PTPRT: variants seen among roughly 807,000 people sequenced by gnomAD.
PTPRT encodes the protein protein tyrosine phosphatase receptor type T.
PTPRT carries 56 observed loss-of-function variants against 176.8 expected under a neutral mutation model. That is an observed-to-expected ratio of 0.32 (90% confidence interval 0.26 to 0.40). PTPRT has a LOEUF of 0.40. Ranked by LOEUF, PTPRT falls within the 10% of genes least tolerant of loss-of-function variation. PTPRT has a pLI of 1.00. For missense variants in PTPRT, 1,540 were observed against 1,908.2 expected (o/e 0.81, Z 3.60); for synonymous variants, 783 against 739.0 (o/e 1.06, Z -0.96).
intron 7 of PTPRT, among the ~76,000 whole-genome samples, chr20:42,516,706 G>A (rs748163869): frequency 8.5e-5 from 13 of 152,062 alleles, no homozygotes; most frequent in South Asian, 2.1e-4. Context: ...CCTGCCATAC[G>A]CTTCTGGTTT....
chr20:42,171,614 GT>G (rs1314467998), intron 16 of PTPRT, among the ~76,000 whole-genome samples: 2 of 152,118 alleles, frequency 1.3e-5, no homozygotes, highest in Admixed American at 1.3e-4. Context: ...GTGCGTGTGT[GT>G]GTTTAAGGCA....
chr20:42,353,962 G>T (rs2058323523), intron 9 of PTPRT, among the ~76,000 whole-genome samples: 1 of 152,106 alleles, frequency 6.6e-6, no homozygotes, highest in East Asian at 1.9e-4. Flanking sequence ...GCTGAGGTGG[G>T]AAGATGGCTT....
At chr20:42,101,356 C>T (rs892116472) in intron 26 of PTPRT, among the ~76,000 whole-genome samples, 12 of 152,160 alleles carry the variant, frequency 7.9e-5, no homozygotes, top group African/African-American at 2.9e-4. Context: ...CTGAAAAGTG[C>T]ATGGCTGGTA....
chr20:43,001,482 CA>C (rs11345196), intron 1 of PTPRT, among the ~76,000 whole-genome samples: 55,664 of 146,124 alleles, frequency 0.38, 11,997 homozygotes, highest in African/African-American at 0.62. Flanking sequence ...ATAACAACAA[CA>C]AAAAAAAAAC....
intron 2 of PTPRT, among the ~76,000 whole-genome samples, chr20:42,796,271 T>A (rs1471831887): frequency 6.6e-6 from 1 of 152,236 alleles, no homozygotes; most frequent in Non-Finnish European, 1.5e-5. Context: ...ACTAGCCACA[T>A]TTCAAGTGCC....
chr20:42,837,104 G>T (rs1367461231), intron 2 of PTPRT, among the ~76,000 whole-genome samples: 1 of 152,176 alleles, frequency 6.6e-6, no homozygotes, highest in Non-Finnish European at 1.5e-5. Flanking sequence ...ATTATAGATG[G>T]GAGAACAAGG....
At chr20:42,623,668 C>T (rs184598376) in intron 7 of PTPRT, among the ~76,000 whole-genome samples, 8 of 152,166 alleles carry the variant, frequency 5.3e-5, no homozygotes, top group Admixed American at 4.6e-4. Context: ...ACATCCCACC[C>T]GGCAGAAACT....
chr20:42,304,303 A>C (rs2057513450), intron 12 of PTPRT, among the ~76,000 whole-genome samples: 1 of 152,032 alleles, frequency 6.6e-6, no homozygotes, highest in Admixed American at 6.6e-5. Context: ...TGGGTTTAAA[A>C]ACTCTGCCCC....
At chr20:42,179,254 C>T (rs941436599) in intron 16 of PTPRT, among the ~76,000 whole-genome samples, 2 of 152,182 alleles carry the variant, frequency 1.3e-5, no homozygotes, top group African/African-American at 4.8e-5. Flanking sequence ...GCTGACTTTG[C>T]TTAGCTTTGC....
chr20:42,382,698 G>T (rs1015846901), intron 9 of PTPRT, among the ~76,000 whole-genome samples: 1 of 152,086 alleles, frequency 6.6e-6, no homozygotes, highest in Non-Finnish European at 1.5e-5. Flanking sequence ...GAGAATCGGG[G>T]TATGGTGGGG....
chr20:42,762,212 G>A (rs1464759578), intron 5 of PTPRT, among the ~76,000 whole-genome samples: 1 of 152,086 alleles, frequency 6.6e-6, no homozygotes, highest in East Asian at 1.9e-4. Flanking sequence ...TATACTATTA[G>A]GTTGGGGTGA....
At chr20:43,087,350 C>T (rs1294052327) in intron 1 of PTPRT, among the ~76,000 whole-genome samples, 1 of 138,616 alleles carries the variant, frequency 7.2e-6, no homozygotes, top group Non-Finnish European at 1.5e-5. Context: ...CGTCACTGTT[C>T]ACACTGTCCG....
chr20:42,906,363 C>T (rs896621940), intron 1 of PTPRT, among the ~76,000 whole-genome samples: 2 of 152,206 alleles, frequency 1.3e-5, no homozygotes, highest in East Asian at 1.9e-4. Flanking sequence ...GGGAAAGCCA[C>T]GTTCCCACTC....
At chr20:42,574,375 GAA>G (rs1220519699) in intron 7 of PTPRT, among the ~76,000 whole-genome samples, 1 of 152,130 alleles carries the variant, frequency 6.6e-6, no homozygotes, top group Non-Finnish European at 1.5e-5. Flanking sequence ...TGGTTAAAAA[GAA>G]AGTGTCCAAA....
chr20:42,533,954 G>A lies in PTPRT; in HGVS notation c.1154-61392C>T, dbSNP rs544304837. 2.0e-4 allele frequency among the ~76,000 whole-genome samples: 30 copies of A among 152,262 alleles called. No homozygotes were observed. The South Asian group carries it at 5.8e-3, about 29-fold the overall frequency. ...CCATTCTCATACACGCTACCACTCT[G>A]GAATGCTTCTTCTCTGCAGCTGCCC... On this transcript the variant is annotated intron_variant, in intron 7 of 30. Coordinates refer to ENST00000373187, the MANE Select transcript of PTPRT (RefSeq NM_007050.6).
chr20:43,076,239 G>C (rs1055819635), intron 1 of PTPRT, among the ~76,000 whole-genome samples: 1 of 152,032 alleles, frequency 6.6e-6, no homozygotes, highest in African/African-American at 2.4e-5. Context: ...TACCTTCCCA[G>C]TTTCTCATGA....
chr20:42,817,779 C>A (rs183035468), intron 2 of PTPRT, among the ~76,000 whole-genome samples: 50 of 152,288 alleles, frequency 3.3e-4, no homozygotes, highest in Admixed American at 1.4e-3. Flanking sequence ...CCTCTTCAGG[C>A]CTAACCCTGA....
rs887541502 is a variant in PTPRT, at chr20:42,762,506, T to C, written c.685-5870A>G. 3.9e-5 allele frequency among the ~76,000 whole-genome samples: 6 copies of C among 152,222 alleles called. No individual in the cohort carries two copies. In the East Asian group the frequency reaches 1.2e-3, roughly 29 times the overall value. On this transcript the variant is annotated intron_variant, in intron 5 of 30. Coordinates refer to ENST00000373187, the MANE Select transcript of PTPRT (RefSeq NM_007050.6). ...TAAATCTAAGACCATGTCCTGAGGA[T>C]GAGCAACTGGTCACTGCACCAACAG...
intron 7 of PTPRT, among the ~76,000 whole-genome samples, chr20:42,540,311 G>A (rs115168265): frequency 0.011 from 1,690 of 152,204 alleles, 35 homozygotes; most frequent in African/African-American, 0.039. Flanking sequence ...AGTCAATGAC[G>A]GAAGGTCTTC....
Sources: allele counts gnomAD v4.1 joint callset (sites outside exome capture counted in the v4.1 genomes callset), GRCh38; gene constraint gnomAD v4.1.1; transcripts MANE v1.5; gene names NCBI Gene and HGNC (gene_info 2026-07-23, HGNC 2026-07-21).